Variants in NUDT2 observed in about 807,000 individuals in gnomAD.
The protein encoded by NUDT2 is bis(5'-nucleosyl)-tetraphosphatase [asymmetrical].
In NUDT2, 12 loss-of-function variants were observed where a neutral mutation model predicts 14.2. The ratio of observed to expected loss-of-function variants is 0.84; its 90% CI spans 0.54 to 1.37. The LOEUF (loss-of-function observed/expected upper bound fraction) is 1.37. Ranked by LOEUF, NUDT2 falls within the 40% of genes most tolerant of loss-of-function variation. The probability of loss-of-function intolerance (pLI) is 0.00; values close to 1 mark genes in which losing one functional copy is unlikely to be tolerated. For synonymous variants in NUDT2, 67 were observed against 67.4 expected, an observed-to-expected ratio of 0.99 and a Z score of 0.03; for missense variants, 167 against 176.7, an observed-to-expected ratio of 0.95 and a Z score of 0.31.
intron 4 of NUDT2, among the ~76,000 whole-genome samples, chr9:34,341,124 T>C (rs1820171792): frequency 6.6e-6 from 1 of 152,204 alleles, no homozygotes; most frequent in African/African-American, 2.4e-5. Context: ...AGGCAGAAGC[T>C]TCACAAATAC....
intron 1 of NUDT2, among the ~76,000 whole-genome samples, chr9:34,331,840 CCCT>C (rs969266083): frequency 2.0e-5 from 3 of 152,292 alleles, no homozygotes; most frequent in Non-Finnish European, 4.4e-5. Context: ...CACTTGCACC[CCCT>C]CCTCCACCCA....
intron 1 of NUDT2, among the ~76,000 whole-genome samples, chr9:34,330,145 T>G (rs1274230400): frequency 6.6e-6 from 1 of 152,262 alleles, no homozygotes. Context: ...GGCTCACGCC[T>G]GTAATCCCAG....
intron 1 of NUDT2, among the ~76,000 whole-genome samples, chr9:34,335,017 G>T (rs1391556023): frequency 6.6e-6 from 1 of 152,166 alleles, no homozygotes; most frequent in East Asian, 1.9e-4. Context: ...TCTCTGATCT[G>T]GCTCACCTTG....
rs375230107 is a variant in NUDT2, at chr9:34,340,266, T to C, written c.127+1100T>C. Among the ~76,000 whole-genome samples the C allele has an allele frequency of 3.3e-5, 5 of 152,252 alleles. No individual in the cohort carries two copies. The South Asian group carries it at 1.0e-3, about 32-fold the overall frequency. On this transcript the variant is annotated intron_variant, in intron 4 of 4. Coordinates refer to ENST00000379158, the MANE Select transcript of NUDT2 (RefSeq NM_001161.5). The stretch of plus-strand genomic sequence containing the variant: ...TTTCTTTTGAACTAAACACAGAGAG[T>C]ATGAGTTCTACAGTGTTTCTGAACA...
intron 1 of NUDT2, among the ~76,000 whole-genome samples, chr9:34,333,644 CAAAAAAAAAAAAA>C (rs34830977): frequency 1.5e-4 from 7 of 47,090 alleles, no homozygotes; most frequent in African/African-American, 3.5e-4. Flanking sequence ...GAGACATTGT[CAAAAAAAAAAAAA>C]AAAAAAAAAA....
Position 34,343,554 on chromosome 9 carries a change from G to A in NUDT2, c.*114G>A. On this transcript the variant is annotated 3_prime_UTR_variant, in exon 5 of 5. Transcript: ENST00000379158. Reference sequence around the variant, plus strand: ...GGTATTTGGCTCATGACAGCCAAGAGCAGATTTGTGAAATCGGCTCAACTC... The same window carrying A: ...GGTATTTGGCTCATGACAGCCAAGAACAGATTTGTGAAATCGGCTCAACTC... 1 of 986,136 alleles carries A rather than the reference G, an allele frequency of 1.0e-6. No homozygotes were observed. Among genetic ancestry groups the A allele is most frequent in the Non-Finnish European group, 1.4e-6 (1 of 697,044 alleles). 61.1% of individuals were successfully genotyped at this position (986,136 alleles called of 1,614,324 possible). A position where few individuals can be genotyped will look rare whatever the true frequency, so the allele number is the denominator to read the frequency against.
chr9:34,342,358 A>G (rs2131862635), intron 4 of NUDT2, among the ~76,000 whole-genome samples: 1 of 152,314 alleles, frequency 6.6e-6, no homozygotes, highest in South Asian at 2.1e-4. Flanking sequence ...TTAAGTCCTC[A>G]CTGGATTGTA....
At chr9:34,339,244 G>A (rs1838175458) in intron 4 of NUDT2, 78 bp downstream of exon 4, 8 of 1,552,322 alleles carry the variant, frequency 5.2e-6, no homozygotes, top group South Asian at 4.6e-5. Context: ...CCTCCCCAAG[G>A]CTTAATTCCC....
Position 34,329,617 on chromosome 9 carries a change from C to CCCACTTG in NUDT2, c.-265+19_-265+25dup, listed in dbSNP as rs1837819787. 1 of 152,288 alleles carries CCCACTTG rather than the reference C, an allele frequency of 6.6e-6. No homozygotes were observed. Among genetic ancestry groups the CCCACTTG allele is most frequent in the Non-Finnish European group, 1.5e-5 (1 of 68,106 alleles). 9.4% of individuals were successfully genotyped at this position (152,288 alleles called of 1,614,324 possible). A position where few individuals can be genotyped will look rare whatever the true frequency, so the allele number is the denominator to read the frequency against. On this transcript the variant is annotated intron_variant, in intron 1 of 4. Transcript: ENST00000379158. ...TGCTTCGGGTGAGTACCCTTAAGGG[C>CCCACTTG]CCACTTGATTTTAGTTCTCAGTGGA...
At position 34,338,895 on chromosome 9, in the gene NUDT2, C is replaced by G. The variant is rs116357346; in HGVS notation, c.-17+48C>G. 5.1e-3 allele frequency: 3,729 copies of G among 731,820 alleles called. 104 individuals are homozygous for G. The African/African-American group carries it at 0.057, about 11-fold the overall frequency. The allele number at this position is 731,820 out of a possible 1,614,324, so 45.3% of individuals were successfully genotyped here. A position where few individuals can be genotyped will look rare whatever the true frequency, so the allele number is the denominator to read the frequency against. Reference sequence around the variant, plus strand: ...CCTTCCATTGGTCCTGGGCATGCTGCCTTTTTCTGTGGGCTATGAGATCAC... The same window carrying G: ...CCTTCCATTGGTCCTGGGCATGCTGGCTTTTTCTGTGGGCTATGAGATCAC... On this transcript the variant is annotated intron_variant, in intron 3 of 4. Coordinates refer to ENST00000379158, the MANE Select transcript of NUDT2 (RefSeq NM_001161.5).
At position 34,339,091 on chromosome 9, in the gene NUDT2, A is replaced by G. The variant is rs1288676088; in HGVS notation, c.52A>G (p.Lys18Glu). The part of the protein sequence containing the change: ...LIIFRRCLIP[K>E]VDNNAIEFLL... ...CATCTTCCGAAGATGCCTCATTCCC[A>G]AAGTGGACAACAATGCAATTGAGTT... The change falls in exon 4 of 5, where the codon AAA becomes GAA. Residue 18 changes from lysine to glutamate, a missense_variant. Lys to Glu is a moderately conservative substitution (Grantham distance 56). Transcript: ENST00000379158. 1 of 1,614,116 alleles carries G rather than the reference A, an allele frequency of 6.2e-7. No individual in the cohort carries two copies.
chr9:34,339,270 A>T, intron 4 of NUDT2, 104 bp downstream of exon 4: 1 of 1,427,588 alleles, frequency 7.0e-7, no homozygotes, highest in Non-Finnish European at 9.6e-7. Context: ...CTGTGTAGCA[A>T]AAAGGGGTAG....
intron 4 of NUDT2, 82 bp from the exon 5 acceptor site, chr9:34,343,042 A>T (rs935603500): frequency 7.2e-7 from 1 of 1,386,774 alleles, no homozygotes; most frequent in African/African-American, 1.4e-5. Context: ...ACAGAAAAAA[A>T]AAAAAATCTT....
chr9:34,343,415 A>G lies in NUDT2; in HGVS notation c.419A>G (p.Gln140Arg), dbSNP rs1820246627. The change falls in exon 5 of 5, where the codon CAG becomes CGG. Residue 140 changes from glutamine (Q) to arginine (R), a missense_variant. Transcript: ENST00000379158. ...EMKAALQEGH[Q>R]FLCSIEA Reference sequence around the variant, plus strand: ...AAGGCAGCGCTCCAAGAAGGACACCAGTTTCTTTGCTCCATAGAGGCCTGA... The same window carrying G: ...AAGGCAGCGCTCCAAGAAGGACACCGGTTTCTTTGCTCCATAGAGGCCTGA... 1 of 1,604,790 alleles carries G rather than the reference A, an allele frequency of 6.2e-7. No homozygotes were observed. Among genetic ancestry groups the G allele is most frequent in the South Asian group, 1.1e-5 (1 of 89,842 alleles).
chr9:34,343,036 A>G lies in NUDT2; in HGVS notation c.128-88A>G, dbSNP rs1253420099. On this transcript the variant is annotated intron_variant, in intron 4 of 4. Transcript: ENST00000379158. ...GAGTCCCTGTCTCAAAGCAAAACAG[A>G]AAAAAAAAAAAATCTTGTCTGGAAA... The G allele has an allele frequency of 3.8e-5, 15 of 391,066 alleles. No homozygotes were observed. In the Admixed American group the frequency reaches 6.8e-4, roughly 18 times the overall value. 24.2% of individuals were successfully genotyped at this position (391,066 alleles called of 1,614,324 possible).
chr9:34,334,318 G>C (rs550482511), intron 1 of NUDT2, among the ~76,000 whole-genome samples: 10 of 152,200 alleles, frequency 6.6e-5, no homozygotes, highest in Admixed American at 6.5e-4. Flanking sequence ...TTTTGTTCAG[G>C]TTTTTTCTAA....
Position 34,341,380 on chromosome 9 carries a change from T to C in NUDT2, c.128-1744T>C, listed in dbSNP as rs190392692. Among the ~76,000 whole-genome samples the C allele has an allele frequency of 3.3e-4, 50 of 152,264 alleles. 1 individual carries two copies. In the East Asian group the frequency reaches 8.7e-3, roughly 27 times the overall value. On this transcript the variant is annotated intron_variant, in intron 4 of 4. Transcript: ENST00000379158. ...TCAGTATCACCCATCACTACTAGCA[T>C]CCCTCCCACCTTGCTCCCCTGATGC...
intron 1 of NUDT2, among the ~76,000 whole-genome samples, chr9:34,335,756 G>T (rs977128788): frequency 6.6e-6 from 1 of 152,180 alleles, no homozygotes; most frequent in African/African-American, 2.4e-5. Context: ...AGCTGATGTG[G>T]TTCTTAGATG....
At chr9:34,340,148 C>T (rs1039917583) in intron 4 of NUDT2, among the ~76,000 whole-genome samples, 2 of 152,106 alleles carry the variant, frequency 1.3e-5, no homozygotes, top group African/African-American at 4.8e-5. Context: ...GTTGGCCAGG[C>T]TGGTGTCAAA....
Sources: gnomAD v4.1 joint callset for allele counts (sites outside exome capture counted in the v4.1 genomes callset) on GRCh38, gnomAD v4.1.1 for gene constraint, MANE v1.5 for transcripts, NCBI Gene and HGNC (gene_info 2026-07-23, HGNC 2026-07-21) for gene names.